The following NRXN1 variants were observed in gnomAD, a reference collection of about 807,000 sequenced individuals.
NRXN1 encodes neurexin 1.
NRXN1 carries 39 observed loss-of-function variants against 150.9 expected under a neutral mutation model. The observed-to-expected ratio is 0.26, with a 90% CI of 0.20 to 0.34. The LOEUF (loss-of-function observed/expected upper bound fraction) is 0.34. Among genes scored for constraint, NRXN1 ranks in the 10% least tolerant of loss-of-function variants. The probability of loss-of-function intolerance (pLI) is 1.00; values close to 1 mark genes in which losing one functional copy is unlikely to be tolerated. For missense variants in NRXN1, 1,815 were observed against 1,949.9 expected, an observed-to-expected ratio of 0.93 and a Z score of 1.30; for synonymous variants, 924 against 757.0, an observed-to-expected ratio of 1.22 and a Z score of -3.62.
intron 18 of NRXN1, among the ~76,000 whole-genome samples, chr2:50,098,216 G>A (rs1700494190): frequency 1.3e-5 from 2 of 152,120 alleles, no homozygotes; most frequent in African/African-American, 4.8e-5. Context: ...TATGCACCCA[G>A]CATTTTCCTA....
intron 5 of NRXN1, among the ~76,000 whole-genome samples, chr2:50,801,310 A>T (rs1033832192): frequency 6.6e-6 from 1 of 152,120 alleles, no homozygotes; most frequent in South Asian, 2.1e-4. Context: ...ACCTATGACA[A>T]GTAGTATTGG....
At chr2:50,207,144 C>T (rs1320571013) in intron 18 of NRXN1, among the ~76,000 whole-genome samples, 17 of 152,020 alleles carry the variant, frequency 1.1e-4, no homozygotes, top group Non-Finnish European at 1.3e-4. Flanking sequence ...TTAATCAATA[C>T]GATGTGCTAG....
chr2:50,075,966 G>T (rs1697033865), intron 19 of NRXN1, among the ~76,000 whole-genome samples: 1 of 152,104 alleles, frequency 6.6e-6, no homozygotes, highest in Admixed American at 6.5e-5. Context: ...AGCTAGCATG[G>T]TTTCTCTAAT....
intron 17 of NRXN1, among the ~76,000 whole-genome samples, chr2:50,418,549 CCAGTA>C (rs1190694767): frequency 6.6e-6 from 1 of 151,936 alleles, no homozygotes; most frequent in African/African-American, 2.4e-5. Context: ...TTCAGAAAGC[CCAGTA>C]CATTTTGATT....
At chr2:51,024,678 T>C (rs1282120775) in intron 2 of NRXN1, among the ~76,000 whole-genome samples, 2 of 152,156 alleles carry the variant, frequency 1.3e-5, no homozygotes, top group African/African-American at 2.4e-5. Flanking sequence ...GGGGGAGAGA[T>C]AATATTTTTA....
At chr2:50,104,587 G>T (rs373435045) in intron 18 of NRXN1, among the ~76,000 whole-genome samples, 1 of 151,964 alleles carries the variant, frequency 6.6e-6, no homozygotes, top group African/African-American at 2.4e-5. Flanking sequence ...CATCCTTCTT[G>T]CCATGTGTCA....
intron 17 of NRXN1, among the ~76,000 whole-genome samples, chr2:50,365,653 C>A (rs550736199): frequency 3.3e-4 from 50 of 152,116 alleles, no homozygotes; most frequent in African/African-American, 1.2e-3. Context: ...ACACTGTTGA[C>A]AGATACTTGA....
chr2:50,349,274 G>A (rs1027166979), intron 17 of NRXN1, among the ~76,000 whole-genome samples: 2 of 152,154 alleles, frequency 1.3e-5, no homozygotes, highest in African/African-American at 2.4e-5. Context: ...ACAGCTGCTC[G>A]AAGGCCAGCA....
chr2:50,897,211 T>C (rs1574861070), intron 5 of NRXN1, among the ~76,000 whole-genome samples: 2 of 152,202 alleles, frequency 1.3e-5, no homozygotes, highest in East Asian at 1.9e-4. Context: ...ATAAGTATAA[T>C]TGCAGTATAA....
intron 5 of NRXN1, among the ~76,000 whole-genome samples, chr2:50,664,621 C>A (rs1559094290): frequency 6.6e-6 from 1 of 151,810 alleles, no homozygotes; most frequent in East Asian, 1.9e-4. Flanking sequence ...TTGGGTTACA[C>A]AATGTCCTTC....
intron 6 of NRXN1, among the ~76,000 whole-genome samples, chr2:50,621,734 T>G (rs961319465): frequency 2.6e-5 from 4 of 152,164 alleles, no homozygotes; most frequent in African/African-American, 9.6e-5. Flanking sequence ...TACTCAATTT[T>G]ACAGCATACA....
chr2:50,983,511 T>C (rs1697173391), intron 2 of NRXN1, among the ~76,000 whole-genome samples: 1 of 152,120 alleles, frequency 6.6e-6, no homozygotes. Context: ...AACATGGCTA[T>C]TCCTGTTTCT....
intron 18 of NRXN1, among the ~76,000 whole-genome samples, chr2:50,234,587 G>C (rs1279388893): frequency 6.6e-6 from 1 of 152,038 alleles, no homozygotes; most frequent in Non-Finnish European, 1.5e-5. Flanking sequence ...ACCTCTTCTA[G>C]GCAATGGGAG....
chr2:50,088,249 C>T (rs12470002), intron 19 of NRXN1, among the ~76,000 whole-genome samples: 43,055 of 151,960 alleles, frequency 0.28, 6,562 homozygotes, highest in Admixed American at 0.4. Context: ...ATTATGGCAC[C>T]GTTGCAGATG....
intron 2 of NRXN1, among the ~76,000 whole-genome samples, chr2:51,003,900 T>C (rs1700372903): frequency 6.6e-6 from 1 of 151,924 alleles, no homozygotes; most frequent in African/African-American, 2.4e-5. Flanking sequence ...CTACTTACCA[T>C]TTTAACTGTC....
At chr2:50,974,042 G>A (rs1695438310) in intron 2 of NRXN1, among the ~76,000 whole-genome samples, 1 of 152,020 alleles carries the variant, frequency 6.6e-6, no homozygotes, top group Non-Finnish European at 1.5e-5. Flanking sequence ...GCACATTACA[G>A]AGCAGCCTGA....
rs772156132 is a variant in NRXN1, at chr2:50,538,570, A to G, written c.1826T>C (p.Leu609Pro). The stretch of plus-strand genomic sequence containing the variant: ...CCCCCCCAGGTACAACTCATCATCC[A>G]GGTCCAGAATCTCACTCTCACCAGG... ...TAPGESEILD[L>P]DDELYLGGLP... Residue 609 changes from leucine to proline, a missense_variant, in exon 10 of 23, where the codon CTG becomes CCG. Physicochemically the swap from Leu to Pro is moderately conservative, Grantham distance 98 (BLOSUM62 -3). Coordinates refer to ENST00000401669, the MANE Select transcript of NRXN1 (RefSeq NM_001330078.2). 6.4e-7 allele frequency: 1 copy of G among 1,565,394 alleles called. No homozygotes were observed. The highest frequency in any genetic ancestry group is 8.7e-7 in the Non-Finnish European group (1 of 1,154,244).
At chr2:50,109,326 G>C (rs912370500) in intron 18 of NRXN1, among the ~76,000 whole-genome samples, 1 of 151,718 alleles carries the variant, frequency 6.6e-6, no homozygotes, top group African/African-American at 2.4e-5. Flanking sequence ...ATCCTTTCTG[G>C]TTCTGTAATT....
chr2:50,493,443 T>A (rs1249651872), intron 15 of NRXN1, among the ~76,000 whole-genome samples: 1 of 152,166 alleles, frequency 6.6e-6, no homozygotes, highest in East Asian at 1.9e-4. Flanking sequence ...GCTGTCCTTC[T>A]CTGTCCTATA....
Sources: gnomAD v4.1 joint callset for allele counts (sites outside exome capture counted in the v4.1 genomes callset) on GRCh38, gnomAD v4.1.1 for gene constraint, MANE v1.5 for transcripts, NCBI Gene and HGNC (gene_info 2026-07-23, HGNC 2026-07-21) for gene names.